The following ARHGEF3 variants were observed in gnomAD, a reference collection of about 807,000 sequenced individuals.
The protein encoded by ARHGEF3 is Rho guanine nucleotide exchange factor 3, also known as 59.8 kDA protein.
Under a neutral mutation model 63.2 loss-of-function variants are expected in ARHGEF3, and 28 were observed. The ratio of observed to expected loss-of-function variants is 0.44; its 90% CI spans 0.33 to 0.61. The LOEUF (loss-of-function observed/expected upper bound fraction) is 0.61, where lower values mean the gene tolerates loss of function less well. Among genes scored for constraint, ARHGEF3 ranks in the 20% least tolerant of loss-of-function variants. ARHGEF3 has a pLI of 0.03. For synonymous variants in ARHGEF3, 266 were observed against 254.2 expected, an observed-to-expected ratio of 1.05 and a Z score of -0.44; for missense variants, 533 against 659.3, an observed-to-expected ratio of 0.81 and a Z score of 2.10.
chr3:56,876,274 G>A (rs2040583582), intron 4 of ARHGEF3, among the ~76,000 whole-genome samples: 1 of 152,170 alleles, frequency 6.6e-6, no homozygotes, highest in East Asian at 1.9e-4. Context: ...CCTAGAGGCA[G>A]GCATGACAAG....
At chr3:56,790,350 G>A (rs954950772) in intron 1 of ARHGEF3, among the ~76,000 whole-genome samples, 1 of 152,172 alleles carries the variant, frequency 6.6e-6, no homozygotes, top group African/African-American at 2.4e-5. Flanking sequence ...GAGGAAGGAG[G>A]TGGAGGTGAC....
intron 4 of ARHGEF3, among the ~76,000 whole-genome samples, chr3:56,818,585 A>G (rs1178276721): frequency 6.6e-6 from 1 of 152,238 alleles, no homozygotes. Context: ...GAATATCTCA[A>G]AAATGCTAAC....
At chr3:56,861,950 A>G (rs1219273865) in intron 4 of ARHGEF3, among the ~76,000 whole-genome samples, 7 of 151,018 alleles carry the variant, frequency 4.6e-5, no homozygotes, top group South Asian at 2.1e-4. Context: ...TCTATAACCT[A>G]TAATAGTTCC....
intron 4 of ARHGEF3, among the ~76,000 whole-genome samples, chr3:56,855,178 AG>A (rs2039824941): frequency 6.6e-6 from 1 of 151,730 alleles, no homozygotes; most frequent in Admixed American, 6.6e-5. Context: ...GGCAGGAGGG[AG>A]GGGTGCCTGC....
intron 4 of ARHGEF3, among the ~76,000 whole-genome samples, chr3:56,824,708 T>C (rs1490739240): frequency 3.9e-5 from 6 of 152,238 alleles, no homozygotes; most frequent in African/African-American, 1.4e-4. Flanking sequence ...TCCACGTGCT[T>C]GCCTTCTTTC....
intron 2 of ARHGEF3, among the ~76,000 whole-genome samples, chr3:57,013,935 G>A (rs1363149406): frequency 1.3e-5 from 2 of 152,194 alleles, no homozygotes; most frequent in Non-Finnish European, 2.9e-5. Context: ...AACTCTTTGG[G>A]TCAATTTCCA....
At chr3:57,042,667 TATATATATATATATATATATATATATATA>T (rs1704242482) in intron 1 of ARHGEF3, among the ~76,000 whole-genome samples, 4 of 12,798 alleles carry the variant, frequency 3.1e-4, no homozygotes, top group East Asian at 7.1e-3. Flanking sequence ...TATATATATA[TATATATATATATATATATATATATATATA>T]TATATTTTTT....
At chr3:57,073,773 T>C (rs866440912) in intron 1 of ARHGEF3, 1 of 1,614,080 alleles carries the variant, frequency 6.2e-7, no homozygotes, top group African/African-American at 1.3e-5. Context: ...ACTAGACTCT[T>C]CCAGACTCGT....
chr3:56,860,553 G>A (rs1213080490), intron 4 of ARHGEF3, among the ~76,000 whole-genome samples: 2 of 152,228 alleles, frequency 1.3e-5, no homozygotes, highest in Non-Finnish European at 2.9e-5. Flanking sequence ...TGAGATATAT[G>A]TAACCAGTAT....
intron 2 of ARHGEF3, among the ~76,000 whole-genome samples, chr3:56,989,709 G>GCAC (rs1452262572): frequency 1.3e-5 from 2 of 152,106 alleles, no homozygotes; most frequent in Non-Finnish European, 2.9e-5. Context: ...TCCAGCCCCA[G>GCAC]CACCACCCCT....
chr3:56,984,679 C>T (rs1241437336), intron 2 of ARHGEF3, among the ~76,000 whole-genome samples: 1 of 152,174 alleles, frequency 6.6e-6, no homozygotes, highest in Non-Finnish European at 1.5e-5. Context: ...TTATAAAGTT[C>T]ATTTTTAACT....
At chr3:56,972,503 A>G (rs1700956476) in intron 2 of ARHGEF3, among the ~76,000 whole-genome samples, 1 of 152,120 alleles carries the variant, frequency 6.6e-6, no homozygotes, top group Admixed American at 6.5e-5. Context: ...TTAGAAGGTG[A>G]TAAATTCTAT....
chr3:56,746,617 C>G (rs2034403304), intron 6 of ARHGEF3, among the ~76,000 whole-genome samples: 1 of 151,992 alleles, frequency 6.6e-6, no homozygotes, highest in Non-Finnish European at 1.5e-5. Flanking sequence ...GTAATCCCAG[C>G]TACTCAGGAG....
intron 2 of ARHGEF3, among the ~76,000 whole-genome samples, chr3:56,990,665 A>G (rs925658565): frequency 1.3e-5 from 2 of 152,332 alleles, no homozygotes; most frequent in Admixed American, 1.3e-4. Flanking sequence ...ATGGATTTCA[A>G]ATCTCTGAAT....
chr3:56,945,607 G>T (rs961074763), intron 3 of ARHGEF3, among the ~76,000 whole-genome samples: 4 of 152,216 alleles, frequency 2.6e-5, no homozygotes, highest in African/African-American at 9.6e-5. Context: ...GCTGATGCTT[G>T]AGTAGGTAAA....
At chr3:57,057,012 G>T (rs1579183229) in intron 1 of ARHGEF3, among the ~76,000 whole-genome samples, 1 of 151,996 alleles carries the variant, frequency 6.6e-6, no homozygotes, top group South Asian at 2.1e-4. Context: ...CAAGCAGGCT[G>T]TCACTCCACC....
chr3:56,838,640 G>A (rs1341261891), intron 4 of ARHGEF3, among the ~76,000 whole-genome samples: 3 of 152,162 alleles, frequency 2.0e-5, no homozygotes, highest in African/African-American at 7.2e-5. Flanking sequence ...CAAAAACGCT[G>A]ATAGCAGAGA....
chr3:56,876,457 C>A (rs2040588445), intron 4 of ARHGEF3, among the ~76,000 whole-genome samples: 2 of 152,126 alleles, frequency 1.3e-5, no homozygotes, highest in Admixed American at 1.3e-4. Context: ...GTTGGCAGAC[C>A]ATAGCTCAGC....
chr3:56,920,819 G>A (rs1294726274), intron 3 of ARHGEF3, among the ~76,000 whole-genome samples: 1 of 152,130 alleles, frequency 6.6e-6, no homozygotes, highest in African/African-American at 2.4e-5. Context: ...TTGGGAGGCC[G>A]AGGCGGGCAG....
Sources: allele counts gnomAD v4.1 joint callset (sites outside exome capture counted in the v4.1 genomes callset), GRCh38; gene constraint gnomAD v4.1.1; transcripts MANE v1.5; gene names NCBI Gene and HGNC (gene_info 2026-07-23, HGNC 2026-07-21).